The following GSE1 variants were observed in gnomAD, a reference collection of about 807,000 sequenced individuals.
GSE1 encodes genetic suppressor element 1.
Under a neutral mutation model 112.6 loss-of-function variants are expected in GSE1, and 32 were observed. The ratio of observed to expected loss-of-function variants is 0.28; its 90% CI spans 0.21 to 0.38. GSE1 has a LOEUF of 0.38. GSE1 is among the 10% of genes least tolerant of loss of function. The pLI is 1.00. For synonymous variants in GSE1, 1,115 were observed against 735.6 expected, an observed-to-expected ratio of 1.52 and a Z score of -8.35; for missense variants, 2,348 against 1,699.2, an observed-to-expected ratio of 1.38 and a Z score of -6.71.
rs532011229 is a variant in GSE1 at position 85,390,334 on chromosome 16, C to T, written c.2464+32691C>T. Among the ~76,000 whole-genome samples, 10 of 151,844 alleles carry T rather than the reference C, an allele frequency of 6.6e-5. No homozygotes were observed. The East Asian group carries it at 9.8e-4, about 15-fold the overall frequency. ...GGAGGTGTCCAGCAACAGACGGGGA[C>T]GGGGCCTCCTTTGCTTTCTGGCAAC... On this transcript the variant is annotated intron_variant, in intron 2 of 2. Transcript: ENST00000637419.
chr16:85,345,073 C>G (rs1052017454), intron 1 of GSE1, among the ~76,000 whole-genome samples: 1 of 149,512 alleles, frequency 6.7e-6, no homozygotes, highest in Non-Finnish European at 1.5e-5. Flanking sequence ...CACCGTGCCC[C>G]ACCTCCCACC....
chr16:85,371,242 G>C (rs1382084801), intron 2 of GSE1, among the ~76,000 whole-genome samples: 3 of 152,338 alleles, frequency 2.0e-5, no homozygotes, highest in East Asian at 3.9e-4. Flanking sequence ...AGTGCTCATG[G>C]ACCAGAAGAG....
chr16:85,497,702 C>T lies in GSE1; in HGVS notation c.2465-136212C>T, dbSNP rs996271106. Reference sequence around the variant, plus strand: ...TCTACATAATGTCCTATGCATGGTCCTGGGATGGGGACATGGACACAACTT... The same window carrying T: ...TCTACATAATGTCCTATGCATGGTCTTGGGATGGGGACATGGACACAACTT... On this transcript the variant is annotated intron_variant, in intron 2 of 2. Coordinates refer to the GSE1 transcript ENST00000637419. 5.3e-5 allele frequency among the ~76,000 whole-genome samples: 8 copies of T among 152,260 alleles called. 1 individual carries two copies. The highest frequency in any genetic ancestry group is 1.9e-4 in the East Asian group (1 of 5,180).
At chr16:85,284,363 C>T (rs970434765) in intron 1 of GSE1, among the ~76,000 whole-genome samples, 3 of 152,166 alleles carry the variant, frequency 2.0e-5, no homozygotes, top group Non-Finnish European at 4.4e-5. Context: ...CGGCGGGGGC[C>T]GGGCGCGAGA....
At chr16:85,641,314 C>T (rs950222311) in intron 2 of GSE1, among the ~76,000 whole-genome samples, 4 of 152,250 alleles carry the variant, frequency 2.6e-5, no homozygotes, top group East Asian at 3.9e-4. Context: ...AATCCGCCCC[C>T]GGCAAAACGC....
At chr16:85,302,465 C>G (rs1209378705) in intron 1 of GSE1, among the ~76,000 whole-genome samples, 1 of 151,712 alleles carries the variant, frequency 6.6e-6, no homozygotes, top group Non-Finnish European at 1.5e-5. Context: ...CCCGCCCCCA[C>G]ACACACACCG....
chr16:85,296,992 C>G (rs1482400181), intron 1 of GSE1, among the ~76,000 whole-genome samples: 1 of 152,212 alleles, frequency 6.6e-6, no homozygotes, highest in African/African-American at 2.4e-5. Context: ...TCACTCTGTG[C>G]CTGCTGGGTG....
chr16:85,387,209 A>C (rs1249701665), intron 2 of GSE1, among the ~76,000 whole-genome samples: 1 of 152,030 alleles, frequency 6.6e-6, no homozygotes, highest in Non-Finnish European at 1.5e-5. Flanking sequence ...GGGTGGTGGG[A>C]GCCCCCTGCA....
chr16:85,595,636 A>G (rs1188396711), intron 1 of GSE1: 4 of 151,922 alleles, frequency 2.6e-5, no homozygotes, highest in African/African-American at 9.7e-5. Context: ...TCCATCCATC[A>G]TCTACCCATC....
In GSE1 at chr16:85,672,388, A is replaced by C. The variant is rs548993156; in HGVS notation, c.3520-17A>C. 3 of 1,603,564 alleles carry C rather than the reference A, an allele frequency of 1.9e-6. No individual in the cohort carries two copies. The highest frequency in any genetic ancestry group is 3.4e-5 in the Admixed American group (2 of 59,698). ...GAGGAAACGGGTTGGTTTTGACACA[A>C]ATTTCCCTCTCTCCAGGAGTTGAGG... On this transcript the variant is annotated splice_polypyrimidine_tract_variant and intron_variant, in intron 15 of 15. Transcript: ENST00000253458.
At chr16:85,403,829 T>C (rs1462914105) in intron 2 of GSE1, among the ~76,000 whole-genome samples, 2 of 151,912 alleles carry the variant, frequency 1.3e-5, no homozygotes, top group African/African-American at 4.8e-5. Flanking sequence ...AACCCAGAAA[T>C]GTATTCTGCC....
intron 2 of GSE1, among the ~76,000 whole-genome samples, chr16:85,514,873 G>A (rs2051873599): frequency 6.6e-6 from 1 of 152,210 alleles, no homozygotes; most frequent in Non-Finnish European, 1.5e-5. Flanking sequence ...CAGAGGCTTG[G>A]CAGGGATGTG....
At chr16:85,386,980 G>A (rs545951036) in intron 2 of GSE1, among the ~76,000 whole-genome samples, 8 of 152,274 alleles carry the variant, frequency 5.3e-5, no homozygotes, top group South Asian at 4.1e-4. Context: ...CTGGGGCCAC[G>A]CAGCATCACA....
chr16:85,267,792 C>G (rs961887266), intron 1 of GSE1, among the ~76,000 whole-genome samples: 1 of 152,148 alleles, frequency 6.6e-6, no homozygotes, highest in South Asian at 2.1e-4. Context: ...GGCACTGTAT[C>G]GATATGCTCT....
At chr16:85,487,067 AAGAATTCC>A (rs370362613) in intron 2 of GSE1, among the ~76,000 whole-genome samples, 3 of 152,090 alleles carry the variant, frequency 2.0e-5, no homozygotes, top group African/African-American at 7.2e-5. Context: ...GCTGGAAGGC[AAGAATTCC>A]AGAAGCTTCC....
At chr16:85,440,642 G>A (rs1357782920) in intron 2 of GSE1, among the ~76,000 whole-genome samples, 1 of 152,246 alleles carries the variant, frequency 6.6e-6, no homozygotes, top group Non-Finnish European at 1.5e-5. Flanking sequence ...TCAGCTGGAT[G>A]CTAACCTGAC....
At chr16:85,260,845 C>T (rs1489833120) in intron 1 of GSE1, among the ~76,000 whole-genome samples, 3 of 152,222 alleles carry the variant, frequency 2.0e-5, no homozygotes, top group East Asian at 1.9e-4. Context: ...GCGCATGGGG[C>T]GTGGCACTGA....
intron 2 of GSE1, among the ~76,000 whole-genome samples, chr16:85,367,952 T>G (rs2151591992): frequency 1.3e-5 from 2 of 148,974 alleles, no homozygotes; most frequent in African/African-American, 4.9e-5. Flanking sequence ...TGGGTTCAAG[T>G]GATTCTCCTG....
intron 2 of GSE1, among the ~76,000 whole-genome samples, chr16:85,505,664 T>C (rs745333778): frequency 2.0e-5 from 3 of 152,150 alleles, no homozygotes; most frequent in African/African-American, 2.4e-5. Context: ...TAGACACCCC[T>C]AATACATGAT....
Sources: allele counts gnomAD v4.1 joint callset (sites outside exome capture counted in the v4.1 genomes callset), GRCh38; gene constraint gnomAD v4.1.1; transcripts MANE v1.5; gene names NCBI Gene and HGNC (gene_info 2026-07-23, HGNC 2026-07-21).